UBE2R2: variants seen among roughly 807,000 people sequenced by gnomAD.
UBE2R2 encodes the protein ubiquitin conjugating enzyme E2 R2.
UBE2R2 carries 1 observed loss-of-function variant against 27.8 expected under a neutral mutation model. The observed-to-expected ratio is 0.04, with a 90% CI of 0.01 to 0.17. The LOEUF is 0.17. UBE2R2 is among the 10% of genes least tolerant of loss of function. UBE2R2 has a pLI of 1.00. For missense variants in UBE2R2, 100 were observed against 291.0 expected (o/e 0.34, Z 4.78); for synonymous variants, 106 against 113.3 (o/e 0.94, Z 0.41).
At chr9:33,848,279 C>G (rs563244452) in intron 1 of UBE2R2, among the ~76,000 whole-genome samples, 1 of 152,224 alleles carries the variant, frequency 6.6e-6, no homozygotes, top group South Asian at 2.1e-4. Flanking sequence ...TTTGCCAGCT[C>G]CAATATCTGA....
chr9:33,850,001 C>T (rs1022211188), intron 1 of UBE2R2, among the ~76,000 whole-genome samples: 1 of 152,128 alleles, frequency 6.6e-6, no homozygotes, highest in Non-Finnish European at 1.5e-5. Context: ...ACAAGTTTGT[C>T]TGCCTATATC....
upstream of UBE2R2, among the ~76,000 whole-genome samples, chr9:33,816,904 C>T (rs1825778182): frequency 6.6e-6 from 1 of 152,238 alleles, no homozygotes. Context: ...CTGCGCCCGC[C>T]CTTGGTCCCC....
intron 2 of UBE2R2, among the ~76,000 whole-genome samples, chr9:33,896,673 C>T (rs1251045826): frequency 1.3e-5 from 2 of 149,816 alleles, no homozygotes; most frequent in African/African-American, 4.9e-5. Context: ...TGGTCTTGAT[C>T]TCCTGACCTG....
chr9:33,882,493 C>T (rs1563999119), intron 1 of UBE2R2, among the ~76,000 whole-genome samples: 1 of 152,126 alleles, frequency 6.6e-6, no homozygotes, highest in African/African-American at 2.4e-5. Context: ...CCATCTTGGC[C>T]AGGCTGGTCT....
At chr9:33,887,777 A>G (rs2130797079) in intron 2 of UBE2R2, among the ~76,000 whole-genome samples, 1 of 152,258 alleles carries the variant, frequency 6.6e-6, no homozygotes, top group African/African-American at 2.4e-5. Context: ...TCCCAGTTCA[A>G]GCAGTTCTCC....
intron 1 of UBE2R2, among the ~76,000 whole-genome samples, chr9:33,857,805 C>T (rs2248071): frequency 0.39 from 59,453 of 152,020 alleles, 12,014 homozygotes; most frequent in South Asian, 0.47. Context: ...GATTGTTGAA[C>T]GGCATGTGAA....
chr9:33,909,992 G>C (rs1211736799), intron 3 of UBE2R2, among the ~76,000 whole-genome samples: 2 of 152,020 alleles, frequency 1.3e-5, no homozygotes, highest in Non-Finnish European at 2.9e-5. Context: ...AGAGCAAAAG[G>C]GTATTTTACA....
At chr9:33,856,628 T>C (rs951052303) in intron 1 of UBE2R2, among the ~76,000 whole-genome samples, 1 of 152,102 alleles carries the variant, frequency 6.6e-6, no homozygotes, top group Non-Finnish European at 1.5e-5. Context: ...TAACTATATA[T>C]AAATACTATG....
At chr9:33,832,724 T>A (rs1587430337) in intron 1 of UBE2R2, among the ~76,000 whole-genome samples, 1 of 152,052 alleles carries the variant, frequency 6.6e-6, no homozygotes, top group Admixed American at 6.6e-5. Flanking sequence ...TTAATTAAAT[T>A]TTTTCAAGGT....
intron 1 of UBE2R2, among the ~76,000 whole-genome samples, chr9:33,832,169 G>A (rs773968919): frequency 6.6e-5 from 10 of 151,322 alleles, no homozygotes; most frequent in Non-Finnish European, 7.4e-5. Flanking sequence ...TTAGGCAGGC[G>A]TGGTGGTGCG....
intron 1 of UBE2R2, among the ~76,000 whole-genome samples, chr9:33,880,934 T>C (rs1325734231): frequency 1.3e-5 from 2 of 152,192 alleles, no homozygotes; most frequent in African/African-American, 4.8e-5. Context: ...CTCTTGTCCA[T>C]GGAAAAATTG....
chr9:33,916,071 A>G (rs911996302), intron 4 of UBE2R2, among the ~76,000 whole-genome samples: 3 of 152,204 alleles, frequency 2.0e-5, no homozygotes, highest in Non-Finnish European at 2.9e-5. Flanking sequence ...GGCCGGGTGC[A>G]GTGGCTCATG....
chr9:33,877,831 C>CTCTCTCTCTCTCTG, intron 1 of UBE2R2, among the ~76,000 whole-genome samples: 1 of 130,012 alleles, frequency 7.7e-6, no homozygotes, highest in Non-Finnish European at 1.5e-5. Flanking sequence ...CTGTCTCTCT[C>CTCTCTCTCTCTCTG]TCTCTCTCTC....
chr9:33,881,350 T>C (rs999432019), intron 1 of UBE2R2, among the ~76,000 whole-genome samples: 4 of 152,192 alleles, frequency 2.6e-5, no homozygotes, highest in Non-Finnish European at 5.9e-5. Flanking sequence ...TTTTAAAGTA[T>C]ATAGTTCAGT....
chr9:33,839,485 G>A (rs548151551), intron 1 of UBE2R2, among the ~76,000 whole-genome samples: 28 of 152,132 alleles, frequency 1.8e-4, no homozygotes, highest in Admixed American at 3.3e-4. Context: ...TGATCCACCC[G>A]CCTCAGCCTT....
intron 4 of UBE2R2, among the ~76,000 whole-genome samples, chr9:33,913,475 TG>T (rs1461949837): frequency 6.6e-6 from 1 of 151,682 alleles, no homozygotes; most frequent in Non-Finnish European, 1.5e-5. Context: ...TTGCCCAGCC[TG>T]GTCTTGAACT....
At chr9:33,869,476 C>A (rs1028584956) in intron 1 of UBE2R2, among the ~76,000 whole-genome samples, 1 of 148,436 alleles carries the variant, frequency 6.7e-6, no homozygotes, top group Non-Finnish European at 1.5e-5. Context: ...GACAGAGTTT[C>A]GCTCTTGTTG....
intron 1 of UBE2R2, among the ~76,000 whole-genome samples, chr9:33,865,529 A>T (rs971987133): frequency 3.3e-5 from 5 of 152,086 alleles, no homozygotes; most frequent in Non-Finnish European, 5.9e-5. Flanking sequence ...TTTCATTTTT[A>T]AAATTTCTAG....
chr9:33,914,125 T>G (rs938467952), intron 4 of UBE2R2, among the ~76,000 whole-genome samples: 3 of 152,200 alleles, frequency 2.0e-5, no homozygotes, highest in African/African-American at 4.8e-5. Flanking sequence ...TGTTAGGTAC[T>G]CATTAAGGCA....
Sources: allele counts gnomAD v4.1 joint callset (sites outside exome capture counted in the v4.1 genomes callset), GRCh38; gene constraint gnomAD v4.1.1; transcripts MANE v1.5; gene names NCBI Gene and HGNC (gene_info 2026-07-23, HGNC 2026-07-21).